The following INTS3 variants were observed in gnomAD, a reference collection of about 807,000 sequenced individuals.
The protein encoded by INTS3 is SOSS complex subunit A.
In INTS3, 34 loss-of-function variants were observed where a neutral mutation model predicts 146.3. The observed-to-expected ratio is 0.23, with a 90% CI of 0.18 to 0.31. The LOEUF is 0.31. INTS3 is among the 10% of genes least tolerant of loss of function. INTS3 has a pLI of 1.00. For missense variants in INTS3, 757 were observed against 1,304.2 expected (o/e 0.58, Z 6.46); for synonymous variants, 475 against 494.9 (o/e 0.96, Z 0.53).
intron 8 of INTS3, among the ~76,000 whole-genome samples, chr1:153,753,489 G>A (rs1260895793): frequency 6.6e-6 from 1 of 151,230 alleles, no homozygotes; most frequent in Non-Finnish European, 1.5e-5. Flanking sequence ...CCCAGGAGGT[G>A]GAGTTTGCAG....
At chr1:153,767,599 G>A (rs541356909) in intron 20 of INTS3, 75 bp from the exon 21 acceptor site, 30 of 1,447,276 alleles carry the variant, frequency 2.1e-5, no homozygotes, top group South Asian at 1.2e-4. Flanking sequence ...GTTTTAGAGC[G>A]GGAGCCTGCT....
intron 19 of INTS3, 37 bp from the exon 20 acceptor site, chr1:153,764,907 A>T: frequency 6.2e-7 from 1 of 1,613,686 alleles, no homozygotes; most frequent in Non-Finnish European, 8.5e-7. Context: ...TGCCCTGGGT[A>T]AAGTTCTGTT....
At chr1:153,748,487 C>T in intron 5 of INTS3, 1 of 639,380 alleles carries the variant, frequency 1.6e-6, no homozygotes, top group Non-Finnish European at 2.8e-6. Context: ...TAGAAAAATT[C>T]AGAACCTTCC....
At chr1:153,749,177 TG>T (rs1221457735) in intron 6 of INTS3, among the ~76,000 whole-genome samples, 1 of 152,024 alleles carries the variant, frequency 6.6e-6, no homozygotes, top group Admixed American at 6.6e-5. Context: ...AGGGGGCAGT[TG>T]GGGTGGAGCA....
chr1:153,753,194 CAT>C (rs1011751981), intron 8 of INTS3, among the ~76,000 whole-genome samples: 53 of 152,272 alleles, frequency 3.5e-4, no homozygotes, highest in African/African-American at 1.2e-3. Context: ...GTTAGACAAA[CAT>C]GTGTTACCTC....
intron 8 of INTS3, among the ~76,000 whole-genome samples, chr1:153,752,863 G>C (rs1296874602): frequency 6.6e-6 from 1 of 152,106 alleles, no homozygotes; most frequent in Non-Finnish European, 1.5e-5. Context: ...GATCCAGCTT[G>C]GGCAAAATCC....
At chr1:153,758,091 G>C (rs938986774) in intron 10 of INTS3, among the ~76,000 whole-genome samples, 12 of 152,104 alleles carry the variant, frequency 7.9e-5, no homozygotes, top group Non-Finnish European at 1.3e-4. Flanking sequence ...TTCTTTCTCA[G>C]ATTCAGAGCT....
At chr1:153,758,501 G>A (rs1257224997) in intron 10 of INTS3, among the ~76,000 whole-genome samples, 2 of 152,310 alleles carry the variant, frequency 1.3e-5, no homozygotes, top group Non-Finnish European at 2.9e-5. Context: ...GATATGAACT[G>A]CTGGATGTAT....
At chr1:153,755,540 G>A (rs1040686042) in intron 9 of INTS3, among the ~76,000 whole-genome samples, 3 of 152,132 alleles carry the variant, frequency 2.0e-5, no homozygotes, top group Admixed American at 6.5e-5. Context: ...GATTACAGGC[G>A]TGAGCCACTG....
At chr1:153,769,228 G>C (rs933120608) in intron 22 of INTS3, among the ~76,000 whole-genome samples, 2 of 152,214 alleles carry the variant, frequency 1.3e-5, no homozygotes, top group Admixed American at 1.3e-4. Context: ...AGCAAAAGCT[G>C]AGGGGGTTGT....
intron 13 of INTS3, 174 bp from the exon 14 acceptor site, chr1:153,761,396 G>C: frequency 1.7e-6 from 1 of 585,666 alleles, no homozygotes. Context: ...TGTAATCCTA[G>C]CTACTTGAGA....
At chr1:153,768,426 C>G (rs112816094) in intron 21 of INTS3, among the ~76,000 whole-genome samples, 1 of 152,284 alleles carries the variant, frequency 6.6e-6, no homozygotes, top group East Asian at 1.9e-4. Context: ...CTTTCCTCCC[C>G]CTTCTCTAGA....
At chr1:153,762,877 G>A (rs1258630953) in intron 15 of INTS3, 30 bp downstream of exon 15, 4 of 1,612,666 alleles carry the variant, frequency 2.5e-6, no homozygotes, top group Non-Finnish European at 3.4e-6. Flanking sequence ...CTAGTTCAGG[G>A]TTGTGTCAGC....
At chr1:153,738,335 A>G (rs140717065) in intron 1 of INTS3, among the ~76,000 whole-genome samples, 1 of 152,194 alleles carries the variant, frequency 6.6e-6, no homozygotes, top group Non-Finnish European at 1.5e-5. Flanking sequence ...CCTGGGCTCA[A>G]GCAGTCCTCC....
chr1:153,755,901 G>A (rs556232386), intron 9 of INTS3, among the ~76,000 whole-genome samples: 12 of 152,272 alleles, frequency 7.9e-5, no homozygotes, highest in South Asian at 4.1e-4. Flanking sequence ...TTCGCTGGGC[G>A]TGGTGGCACA....
chr1:153,737,370 C>T (rs1671335503), intron 1 of INTS3, among the ~76,000 whole-genome samples: 2 of 152,190 alleles, frequency 1.3e-5, no homozygotes, highest in Non-Finnish European at 2.9e-5. Flanking sequence ...ACCAATATTG[C>T]TTCTTCTGAA....
Position 153,751,224 on chromosome 1 carries a change from A to T in INTS3, c.714A>T (p.Ser238=). The change falls in exon 7 of 30, where the codon TCA becomes TCT. Residue 238 remains serine (S), a synonymous_variant. Coordinates refer to ENST00000318967, the MANE Select transcript of INTS3 (RefSeq NM_023015.5). ...LRQKEVDFCI[S]LLRERFMECL... ...AGAAGGAAGTAGACTTCTGCATCTC[A>T]CTGCTTCGGGAACGGGTGAGGGAAC... 1 of 1,614,028 alleles carries T rather than the reference A, an allele frequency of 6.2e-7. No homozygotes were observed. Among genetic ancestry groups the T allele is most frequent in the South Asian group, 1.1e-5 (1 of 91,068 alleles).
intron 7 of INTS3, among the ~76,000 whole-genome samples, chr1:153,751,505 A>T (rs1671955931): frequency 6.6e-6 from 1 of 152,250 alleles, no homozygotes; most frequent in Non-Finnish European, 1.5e-5. Context: ...TACCACAGAC[A>T]TAAGCTGTCC....
In INTS3 at chr1:153,752,921, T is replaced by G. The variant is rs935621812; in HGVS notation, c.859+513T>G. Among the ~76,000 whole-genome samples, 118 of 152,068 alleles carry G rather than the reference T, an allele frequency of 7.8e-4. 1 individual carries two copies. Among genetic ancestry groups the G allele is most frequent in the Non-Finnish European group, 1.8e-4 (12 of 68,030 alleles). Reference sequence around the variant, plus strand: ...TGTGCCTCCTCCCGACAAGGTCCTTTTTATATCCCTTTCCCTTTCCCAGGG... The same window carrying G: ...TGTGCCTCCTCCCGACAAGGTCCTTGTTATATCCCTTTCCCTTTCCCAGGG... On this transcript the variant is annotated intron_variant, in intron 8 of 29. Coordinates refer to ENST00000318967, the MANE Select transcript of INTS3 (RefSeq NM_023015.5).
Sources: allele counts gnomAD v4.1 joint callset (sites outside exome capture counted in the v4.1 genomes callset), GRCh38; gene constraint gnomAD v4.1.1; transcripts MANE v1.5; gene names NCBI Gene and HGNC (gene_info 2026-07-23, HGNC 2026-07-21).